Variants in DGKI observed in about 807,000 individuals in gnomAD.
DGKI encodes the protein diacylglycerol kinase iota, also known as DAG kinase iota.
Under a neutral mutation model 147.5 loss-of-function variants are expected in DGKI, and 55 were observed. That is an observed-to-expected ratio of 0.37 (90% CI 0.30 to 0.47). DGKI has a LOEUF of 0.47. DGKI is among the 20% of genes least tolerant of loss of function. The probability of loss-of-function intolerance (pLI) is 1.00; values close to 1 mark genes in which losing one functional copy is unlikely to be tolerated. For synonymous variants in DGKI, 469 were observed against 477.1 expected (o/e 0.98, Z 0.22); for missense variants, 1,007 against 1,323.8 (o/e 0.76, Z 3.71).
In DGKI at chr7:137,846,161, T is replaced by TCACACACACACA. The variant is rs58484819; in HGVS notation, c.401+289_401+300dup. Among the ~76,000 whole-genome samples, 4 of 108,220 alleles carry TCACACACACACA rather than the reference T, an allele frequency of 3.7e-5. No homozygotes were observed. The highest frequency in any genetic ancestry group is 3.6e-5 in the Non-Finnish European group (2 of 55,320). The allele number at this position is 108,220 out of a possible 152,430, so 71.0% of individuals were successfully genotyped here. A position where few individuals can be genotyped will look rare whatever the true frequency, so the allele number is the denominator to read the frequency against. On this transcript the variant is annotated intron_variant, in intron 1 of 32. Transcript: ENST00000614521. This position sits in a 1 kb window ranked among gnomAD's most constrained non-coding sequence, Gnocchi z 4.0. ...CTCTCTCTCTCTCTCTCTCTCTCTC[T>TCACACACACACA]CACACACACACACACACACACACAC...
rs371876593 is a variant in DGKI at position 137,746,808 on chromosome 7, T to A, written c.402-56806A>T. Among the ~76,000 whole-genome samples, 32 of 152,212 alleles carry A rather than the reference T, an allele frequency of 2.1e-4. No individual in the cohort carries two copies. In the East Asian group the frequency reaches 5.0e-3, roughly 24 times the overall value. ...TGGCTTTATCCTCAAGACTTTAATA[T>A]GTTCTCATCAACTCAGCCTTATCGT... On this transcript the variant is annotated intron_variant, in intron 1 of 32. Coordinates refer to ENST00000614521, the MANE Select transcript of DGKI (RefSeq NM_001321708.2).
intron 27 of DGKI, among the ~76,000 whole-genome samples, chr7:137,450,490 G>A (rs561402304): frequency 8.5e-5 from 13 of 152,158 alleles, no homozygotes; most frequent in South Asian, 2.1e-4. Flanking sequence ...AGGCCAAGGC[G>A]GGCAGATCAC....
intron 1 of DGKI, among the ~76,000 whole-genome samples, chr7:137,792,134 G>A (rs1389306322): frequency 1.3e-5 from 2 of 152,308 alleles, no homozygotes; most frequent in Non-Finnish European, 2.9e-5. Context: ...CTGAGCACCT[G>A]TGCTATGAAA....
chr7:137,592,012 A>G (rs1819634878), intron 12 of DGKI, among the ~76,000 whole-genome samples: 1 of 152,200 alleles, frequency 6.6e-6, no homozygotes, highest in Non-Finnish European at 1.5e-5. Flanking sequence ...AAACAAATAC[A>G]CACTTACAAT....
At chr7:137,408,889 C>A (rs1371675222) in intron 29 of DGKI, among the ~76,000 whole-genome samples, 29 of 151,992 alleles carry the variant, frequency 1.9e-4, no homozygotes, top group Admixed American at 1.9e-3. Flanking sequence ...AATTTTAGGA[C>A]AAATGAGAAT....
chr7:137,607,921 C>T (rs1820236327), intron 10 of DGKI, among the ~76,000 whole-genome samples: 1 of 152,172 alleles, frequency 6.6e-6, no homozygotes, highest in African/African-American at 2.4e-5. Flanking sequence ...TGTTAATACA[C>T]ATTTTTACCA....
intron 19 of DGKI, among the ~76,000 whole-genome samples, chr7:137,553,889 T>G (rs1818133844): frequency 6.6e-6 from 1 of 152,206 alleles, no homozygotes. Context: ...TGAGTAGGCC[T>G]CATGACAGAT....
intron 3 of DGKI, among the ~76,000 whole-genome samples, chr7:137,659,688 T>G (rs1288756395): frequency 6.6e-6 from 1 of 152,190 alleles, no homozygotes; most frequent in Non-Finnish European, 1.5e-5. Context: ...ATCCCAGCAC[T>G]CTGGGAGGCT....
chr7:137,811,600 T>C (rs118003661), intron 1 of DGKI, among the ~76,000 whole-genome samples: 2 of 152,348 alleles, frequency 1.3e-5, no homozygotes, highest in East Asian at 1.9e-4. Flanking sequence ...AAACGTAGTA[T>C]AAGGGTTGTG....
At chr7:137,658,768 A>G (rs76492559) in intron 3 of DGKI, among the ~76,000 whole-genome samples, 1,639 of 152,324 alleles carry the variant, frequency 0.011, 22 homozygotes, top group African/African-American at 0.037. Context: ...GAGTCAAAAC[A>G]TCTTTTGCAC....
At chr7:137,596,141 G>A (rs1419651086) in intron 12 of DGKI, among the ~76,000 whole-genome samples, 1 of 151,538 alleles carries the variant, frequency 6.6e-6, no homozygotes, top group Non-Finnish European at 1.5e-5. Context: ...AGCACCCAAG[G>A]CAACAAAGAA....
At chr7:137,603,598 T>C (rs548126468) in intron 10 of DGKI, among the ~76,000 whole-genome samples, 353 of 152,260 alleles carry the variant, frequency 2.3e-3, no homozygotes, top group Non-Finnish European at 3.7e-3. Flanking sequence ...TCACCAAAGA[T>C]GGGAACTTCT....
chr7:137,614,443 G>A (rs1438435771), intron 8 of DGKI, among the ~76,000 whole-genome samples: 1 of 152,028 alleles, frequency 6.6e-6, no homozygotes, highest in Non-Finnish European at 1.5e-5. Flanking sequence ...TCTTTAACTT[G>A]CCTGTCCAAT....
At position 137,390,408 on chromosome 7, in the gene DGKI, A is replaced by T. The variant is rs1419019920; in HGVS notation, c.*812T>A. The T allele has an allele frequency of 6.5e-6, 1 of 152,702 alleles. No individual in the cohort carries two copies. The highest frequency in any genetic ancestry group is 2.4e-5 in the African/African-American group (1 of 41,474). The allele number at this position is 152,702 out of a possible 1,614,324, so 9.5% of individuals were successfully genotyped here. Reference sequence around the variant, plus strand: ...TGCAGCAAAAGGCAAAGATGGCTACACATAGGCAGTACGGAGCTGTACAGA... The same window carrying T: ...TGCAGCAAAAGGCAAAGATGGCTACTCATAGGCAGTACGGAGCTGTACAGA... On this transcript the variant is annotated 3_prime_UTR_variant, in exon 33 of 33. Coordinates refer to ENST00000614521, the MANE Select transcript of DGKI (RefSeq NM_001321708.2).
rs11358849 is a variant in DGKI, at chr7:137,399,911, C to CA, written c.2921-2499dup. On this transcript the variant is annotated intron_variant, in intron 30 of 32. Transcript: ENST00000614521. ...GCCTGGGTGACAGAGCAAGACTTCT[C>CA]AAAAAAAAAAAAAAGAAAGAAAGAA... is the stretch of plus-strand genomic sequence containing the variant. 2.5e-3 allele frequency among the ~76,000 whole-genome samples: 339 copies of CA among 134,344 alleles called. 4 individuals are homozygous for CA. Among genetic ancestry groups the CA allele is most frequent in the South Asian group, 6.4e-3 (27 of 4,226 alleles). The allele number at this position is 134,344 out of a possible 152,430, so 88.1% of individuals were successfully genotyped here.
At chr7:137,427,066 G>A (rs1812843635) in intron 28 of DGKI, among the ~76,000 whole-genome samples, 1 of 151,644 alleles carries the variant, frequency 6.6e-6, no homozygotes, top group East Asian at 1.9e-4. Context: ...GACATCTACA[G>A]AACTCTCCAA....
rs564812947 is a variant in DGKI, at chr7:137,614,483, C to T, written c.994-4874G>A. On this transcript the variant is annotated intron_variant, in intron 8 of 32. Transcript: ENST00000614521. The stretch of plus-strand genomic sequence containing the variant: ...ATATTGTCTAGTAATATTTTCAGTC[C>T]GAAAGAGAAACACTGACATTTGTAA... Among the ~76,000 whole-genome samples the T allele has an allele frequency of 1.3e-4, 20 of 152,134 alleles. No individual in the cohort carries two copies. The South Asian group carries it at 2.1e-3, about 16-fold the overall frequency.
At chr7:137,660,850 A>G (rs2116286124) in intron 3 of DGKI, among the ~76,000 whole-genome samples, 1 of 152,074 alleles carries the variant, frequency 6.6e-6, no homozygotes, top group African/African-American at 2.4e-5. Context: ...AAAAGACGGG[A>G]AAGGGTAGGA....
chr7:137,585,079 A>C, intron 14 of DGKI, 130 bp downstream of exon 14: 2 of 1,073,078 alleles, frequency 1.9e-6, no homozygotes, highest in Non-Finnish European at 2.7e-6. Flanking sequence ...CCCAGTAGCC[A>C]TCAACTCAAA....
Sources: gnomAD v4.1 joint callset for allele counts (sites outside exome capture counted in the v4.1 genomes callset) on GRCh38, gnomAD v4.1.1 for gene constraint, Gnocchi (gnomAD v3.1) non-coding constraint, MANE v1.5 for transcripts, NCBI Gene and HGNC (gene_info 2026-07-23, HGNC 2026-07-21) for gene names.